Variants in IGSF9B observed in about 807,000 individuals in gnomAD.
IGSF9B encodes the protein protein turtle homolog B.
A neutral mutation model predicts 143.7 loss-of-function variants in IGSF9B; 48 were observed. That is an observed-to-expected ratio of 0.33 (90% CI 0.26 to 0.42). IGSF9B has a LOEUF of 0.42. Ranked by LOEUF, IGSF9B falls within the 20% of genes least tolerant of loss-of-function variation. IGSF9B has a pLI of 1.00. For synonymous variants in IGSF9B, 903 were observed against 833.1 expected (o/e 1.08, Z -1.44); for missense variants, 1,706 against 1,980.0 (o/e 0.86, Z 2.63).
Position 133,902,496 on chromosome 11 carries a change from CAGACATGCACA to C in IGSF9B, c.*6562_*6572del, listed in dbSNP as rs1939153618. On this transcript the variant is annotated 3_prime_UTR_variant, in exon 20 of 20. Coordinates refer to ENST00000533871, the MANE Select transcript of IGSF9B (RefSeq NM_001277285.4). ...CACCACACACAACACACACACACAC[CAGACATGCACA>C]CCACACACAGACATGCACACCACAC... Among the ~76,000 whole-genome samples the C allele has an allele frequency of 3.9e-5, 4 of 101,356 alleles. No individual in the cohort carries two copies. Among genetic ancestry groups the C allele is most frequent in the Non-Finnish European group, 4.7e-5 (2 of 42,806 alleles). The allele number at this position is 101,356 out of a possible 152,430, so 66.5% of individuals were successfully genotyped here. A position where few individuals can be genotyped will look rare whatever the true frequency, so the allele number is the denominator to read the frequency against.
In IGSF9B at chr11:133,909,340, T is replaced by G; in HGVS notation, c.4106-63A>C. 1 of 1,279,654 alleles carries G rather than the reference T, an allele frequency of 7.8e-7. No individual in the cohort carries two copies. The highest frequency in any genetic ancestry group is 1.1e-6 in the Non-Finnish European group (1 of 915,118). The allele number at this position is 1,279,654 out of a possible 1,614,324, so 79.3% of individuals were successfully genotyped here. On this transcript the variant is annotated intron_variant, in intron 19 of 19. Coordinates refer to ENST00000533871, the MANE Select transcript of IGSF9B (RefSeq NM_001277285.4). The surrounding 1 kb of genome is among the most constrained non-coding windows in gnomAD (Gnocchi z 4.2). ...GCGGATGAAAAGGAAGCACGCAGCC[T>G]GCTCACCTTTTCCACCTGCATTTGT...
chr11:133,919,124 G>GGGT, intron 18 of IGSF9B: 1 of 368,528 alleles, frequency 2.7e-6, no homozygotes, highest in Non-Finnish European at 5.5e-6. Flanking sequence ...TATACGGGGG[G>GGGT]GGGGTGGGGG....
intron 18 of IGSF9B, among the ~76,000 whole-genome samples, chr11:133,919,479 G>T (rs1939465206): frequency 6.6e-6 from 1 of 152,028 alleles, no homozygotes; most frequent in African/African-American, 2.4e-5. Context: ...CCTGGTAGGT[G>T]GTGCGCCCGC....
At chr11:133,943,318 GT>G (rs1002143687) in intron 3 of IGSF9B, among the ~76,000 whole-genome samples, 2 of 152,172 alleles carry the variant, frequency 1.3e-5, no homozygotes, top group African/African-American at 4.8e-5. Flanking sequence ...AAAACGAAAT[GT>G]TTTTTAAAAC....
chr11:133,914,823 T>G (rs1939352440), intron 18 of IGSF9B, among the ~76,000 whole-genome samples: 1 of 152,330 alleles, frequency 6.6e-6, no homozygotes, highest in Non-Finnish European at 1.5e-5. Flanking sequence ...CCTAACAGAC[T>G]TTACCAACAG....
At chr11:133,954,415 C>T (rs1457332568) in intron 1 of IGSF9B, among the ~76,000 whole-genome samples, 1 of 152,190 alleles carries the variant, frequency 6.6e-6, no homozygotes, top group African/African-American at 2.4e-5. Flanking sequence ...TACTTCCTGA[C>T]ACAGGCAGCC....
At position 133,937,960 on chromosome 11, in the gene IGSF9B, G is replaced by A. The variant is rs1443360106; in HGVS notation, c.411C>T (p.Ala137=). Residue 137 remains alanine (A), a splice_region_variant and synonymous_variant, in exon 4 of 20, where the codon GCC becomes GCT. Transcript: ENST00000533871. ...NGSWVHLTIN[A]PPTFTETPPQ... ...GGGGTGTTTCTGTAAAGGTGGGAGGGGCTGCAAAGGAGACCACAAAGATGA... is the reference window on the plus strand; with the variant it reads ...GGGGTGTTTCTGTAAAGGTGGGAGGAGCTGCAAAGGAGACCACAAAGATGA... The A allele has an allele frequency of 6.2e-7, 1 of 1,613,032 alleles. No individual in the cohort carries two copies. The highest frequency in any genetic ancestry group is 8.5e-7 in the Non-Finnish European group (1 of 1,179,514).
At chr11:133,935,318 G>A (rs926920979) in intron 7 of IGSF9B, among the ~76,000 whole-genome samples, 8 of 152,242 alleles carry the variant, frequency 5.3e-5, no homozygotes, top group South Asian at 2.1e-4. Flanking sequence ...CCTTCAGCCC[G>A]AGGACCACCG....
chr11:133,920,971 G>C lies in IGSF9B; in HGVS notation c.2754C>G (p.Ser918Arg). Residue 918 changes from serine (S) to arginine (R), a missense_variant, in exon 18 of 20, where the codon AGC becomes AGG. Coordinates refer to ENST00000533871, the MANE Select transcript of IGSF9B (RefSeq NM_001277285.4). ...LKSQLTPLSS[S>R]QESYLPPPAY... ...CTGGTGGTGGCAGGTAGGACTCCTG[G>C]CTGGATGACAGAGGGGTGAGCTGGG... 6.2e-7 allele frequency: 1 copy of C among 1,610,704 alleles called. No homozygotes were observed. Among genetic ancestry groups the C allele is most frequent in the Non-Finnish European group, 8.5e-7 (1 of 1,178,112 alleles).
chr11:133,906,292 C>T lies in IGSF9B; in HGVS notation c.*2777G>A, dbSNP rs1278204549. Among the ~76,000 whole-genome samples, 1 of 152,252 alleles carries T rather than the reference C, an allele frequency of 6.6e-6. No homozygotes were observed. The highest frequency in any genetic ancestry group is 6.5e-5 in the Admixed American group (1 of 15,286). ...CCTAAACTTGTGCCTGTGACATCTT[C>T]ACCCTCTATCCACGGAGGGAACTGC... On this transcript the variant is annotated 3_prime_UTR_variant, in exon 20 of 20. Coordinates refer to ENST00000533871, the MANE Select transcript of IGSF9B (RefSeq NM_001277285.4).
intron 17 of IGSF9B, 140 bp downstream of exon 17, chr11:133,922,037 T>A: frequency 1.4e-6 from 1 of 705,696 alleles, no homozygotes; most frequent in Non-Finnish European, 2.5e-6. Flanking sequence ...GAGATGGGGC[T>A]GGGCAAGTAC....
chr11:133,946,348 GC>G (rs1292255064), intron 1 of IGSF9B, 90 bp from the exon 2 acceptor site: 8 of 1,146,260 alleles, frequency 7.0e-6, no homozygotes, highest in African/African-American at 4.6e-5. Flanking sequence ...GGGTCACCCC[GC>G]CCCCCACCAG....
chr11:133,926,451 T>C (rs1276956023), intron 13 of IGSF9B, among the ~76,000 whole-genome samples: 3 of 152,144 alleles, frequency 2.0e-5, no homozygotes, highest in Non-Finnish European at 4.4e-5. Context: ...CAGTGGCCCT[T>C]TCTCTGGCTC....
chr11:133,941,859 A>T (rs1040283021), intron 3 of IGSF9B, among the ~76,000 whole-genome samples: 3 of 151,630 alleles, frequency 2.0e-5, no homozygotes, highest in African/African-American at 7.3e-5. Flanking sequence ...CACGTGACGA[A>T]CTCCCCTCCC....
At chr11:133,937,752 C>T in intron 4 of IGSF9B, 58 bp downstream of exon 4, 1 of 1,566,322 alleles carries the variant, frequency 6.4e-7, no homozygotes, top group East Asian at 2.3e-5. Flanking sequence ...CAGTAGGAGG[C>T]TGCCCTGGGG....
intron 19 of IGSF9B, among the ~76,000 whole-genome samples, chr11:133,910,241 AAGAG>A (rs1400814424): frequency 1.3e-5 from 2 of 152,144 alleles, no homozygotes; most frequent in African/African-American, 4.8e-5. Flanking sequence ...TCGTAACTGA[AAGAG>A]AGGATGCCGC....
rs329652 is a variant in IGSF9B, at chr11:133,899,804, A to G, written c.*9265T>C. The G allele has an allele frequency of 0.6, 91,253 of 152,100 alleles. 28,345 individuals are homozygous for G. The highest frequency in any genetic ancestry group is 0.68 in the East Asian group (3,488 of 5,142). The allele number at this position is 152,100 out of a possible 1,614,324, so 9.4% of individuals were successfully genotyped here. A position where few individuals can be genotyped will look rare whatever the true frequency, so the allele number is the denominator to read the frequency against. On this transcript the variant is annotated 3_prime_UTR_variant, in exon 20 of 20. Coordinates refer to ENST00000533871, the MANE Select transcript of IGSF9B (RefSeq NM_001277285.4). ...TGGTGGTCTGGGAAGGCTTCAAGGT[A>G]GGAAGGGAACAGAATTTGCACCTCT...
rs760141102 is a variant in IGSF9B at position 133,932,229 on chromosome 11, G to A, written c.968-16C>T. On this transcript the variant is annotated splice_polypyrimidine_tract_variant and intron_variant, in intron 7 of 19. Coordinates refer to ENST00000533871, the MANE Select transcript of IGSF9B (RefSeq NM_001277285.4). The stretch of plus-strand genomic sequence containing the variant: ...CGCGCTGGGTCTGCATAGAGGAAGC[G>A]CAGGTGAGAGAGCAGACAGACAGAC... 31 of 1,547,158 alleles carry A rather than the reference G, an allele frequency of 2.0e-5. No individual in the cohort carries two copies. Among genetic ancestry groups the A allele is most frequent in the South Asian group, 1.8e-4 (15 of 83,396 alleles).
In IGSF9B at chr11:133,907,717, C is replaced by T. The variant is rs940746031; in HGVS notation, c.*1352G>A. 2.0e-5 allele frequency among the ~76,000 whole-genome samples: 3 copies of T among 152,192 alleles called. No homozygotes were observed. The highest frequency in any genetic ancestry group is 2.9e-5 in the Non-Finnish European group (2 of 68,034). On this transcript the variant is annotated 3_prime_UTR_variant, in exon 20 of 20. Coordinates refer to ENST00000533871, the MANE Select transcript of IGSF9B (RefSeq NM_001277285.4). ...GAAGAGTCAGTGCCCAGACCCTACT[C>T]ACCACCCCTCCCGCCTTCATTCCTA...
Sources: gnomAD v4.1 joint callset for allele counts (sites outside exome capture counted in the v4.1 genomes callset) on GRCh38, gnomAD v4.1.1 for gene constraint, Gnocchi (gnomAD v3.1) non-coding constraint, MANE v1.5 for transcripts, NCBI Gene and HGNC (gene_info 2026-07-23, HGNC 2026-07-21) for gene names.